The following THUMPD1 variants were observed in gnomAD, a reference collection of about 807,000 sequenced individuals.
The protein encoded by THUMPD1 is THUMP domain 1 NAT10 acetyltransferase adaptor.
Under a neutral mutation model 31.6 loss-of-function variants are expected in THUMPD1, and 31 were observed. The observed-to-expected ratio is 0.98, with a 90% CI of 0.74 to 1.32. The LOEUF (loss-of-function observed/expected upper bound fraction) is 1.32, where lower values mean the gene tolerates loss of function less well. Ranked by LOEUF, THUMPD1 falls within the 40% of genes most tolerant of loss-of-function variation. The pLI is 0.00. For synonymous variants in THUMPD1, 166 were observed against 158.2 expected, an observed-to-expected ratio of 1.05 and a Z score of -0.37; for missense variants, 446 against 427.8, an observed-to-expected ratio of 1.04 and a Z score of -0.38.
chr16:20,741,481 G>GGGGGGGGGGCCCCCCCCCCCCCCCCCCC, intron 1 of THUMPD1, 28 bp downstream of exon 1: 2 of 1,308,410 alleles, frequency 1.5e-6, no homozygotes, highest in Non-Finnish European at 9.9e-7. Context: ...CTGGCAGCCG[G>GGGGGGGGGGCCCCCCCCCCCCCCCCCCC]CCCGCCCGCC....
At chr16:20,739,878 G>C (rs1468641248) in intron 1 of THUMPD1, among the ~76,000 whole-genome samples, 1 of 150,938 alleles carries the variant, frequency 6.6e-6, no homozygotes, top group Non-Finnish European at 1.5e-5. Context: ...GCAGACTATA[G>C]AATGTAAAAT....
chr16:20,740,065 G>A (rs2079903881), intron 1 of THUMPD1, among the ~76,000 whole-genome samples: 1 of 152,058 alleles, frequency 6.6e-6, no homozygotes. Context: ...CCTTACTCTT[G>A]TTCTATTAAG....
Position 20,737,197 on chromosome 16 carries a change from AACAG to A in THUMPD1, c.741_744del (p.Cys248AlafsTer2), listed in dbSNP as rs1445881577. 11 of 1,614,214 alleles carry A rather than the reference AACAG, an allele frequency of 6.8e-6. No individual in the cohort carries two copies. Among genetic ancestry groups the A allele is most frequent in the Non-Finnish European group, 8.5e-6 (10 of 1,180,038 alleles). On this transcript the variant is annotated frameshift_variant, in exon 4 of 4. Coordinates refer to ENST00000396083, the MANE Select transcript of THUMPD1 (RefSeq NM_017736.5). LOFTEE classifies it high-confidence loss of function. Reference sequence around the variant, plus strand: ...ATGTAATCTTTCACAACACTCAGGCAACAGACAGCTTTGATGATTTCTACTACCA... The same window carrying A: ...ATGTAATCTTTCACAACACTCAGGCAACAGCTTTGATGATTTCTACTACCA...
At chr16:20,740,826 A>G (rs1233200918) in intron 1 of THUMPD1, among the ~76,000 whole-genome samples, 2 of 152,242 alleles carry the variant, frequency 1.3e-5, no homozygotes, top group Non-Finnish European at 2.9e-5. Context: ...AAGTGCAGTA[A>G]CTAGCATTAG....
At chr16:20,738,192 A>T (rs1267505667) in intron 2 of THUMPD1, 2 of 555,770 alleles carry the variant, frequency 3.6e-6, no homozygotes, top group African/African-American at 3.8e-5. Context: ...ACTAGAAATG[A>T]CTGTTTAGGT....
Position 20,736,014 on chromosome 16 carries a change from T to C in THUMPD1, c.*866A>G, listed in dbSNP as rs565651403. The C allele has an allele frequency of 6.6e-6, 1 of 152,194 alleles. No individual in the cohort carries two copies. Among genetic ancestry groups the C allele is most frequent in the Non-Finnish European group, 1.5e-5 (1 of 68,042 alleles). The allele number at this position is 152,194 out of a possible 1,614,324, so 9.4% of individuals were successfully genotyped here. A position where few individuals can be genotyped will look rare whatever the true frequency, so the allele number is the denominator to read the frequency against. On this transcript the variant is annotated 3_prime_UTR_variant, in exon 4 of 4. Coordinates refer to ENST00000396083, the MANE Select transcript of THUMPD1 (RefSeq NM_017736.5). ...GGTGATTTCTGAACAAAAGCCTTAC[T>C]GTTTTTGATAGTCCAAAAGCCATTT...
intron 3 of THUMPD1, 135 bp downstream of exon 3, chr16:20,737,573 A>G: frequency 1.1e-6 from 1 of 915,150 alleles, no homozygotes; most frequent in Non-Finnish European, 1.6e-6. Context: ...TTGATTTAAT[A>G]CTATTTTAAG....
Position 20,737,803 on chromosome 16 carries a change from C to T in THUMPD1, c.560G>A (p.Trp187Ter), listed in dbSNP as rs1441145463. 1 of 1,613,636 alleles carries T rather than the reference C, an allele frequency of 6.2e-7. No individual in the cohort carries two copies. The highest frequency in any genetic ancestry group is 8.5e-7 in the Non-Finnish European group (1 of 1,179,908). Reference protein sequence around the residue: ...KKYAETFLEPWFKAPNKGTFQ... With the variant: ...KKYAETFLEP ...TGTCCCTTTGTTTGGAGCTTTAAAC[C>T]AGGGTTCCAAAAATGTTTCTGCATA... The change falls in exon 3 of 4, where the codon TGG (tryptophan) becomes TAG (stop). Residue 187 changes from tryptophan to a stop codon, truncating the protein, a stop_gained. Transcript: ENST00000396083. LOFTEE classifies it high-confidence loss of function.
chr16:20,738,063 C>CATA, intron 2 of THUMPD1, 107 bp from the exon 3 acceptor site: 1 of 1,088,360 alleles, frequency 9.2e-7, no homozygotes. Context: ...AAGAAATTCT[C>CATA]ATAATGAATT....
At chr16:20,741,112 C>T (rs2079915422) in intron 1 of THUMPD1, among the ~76,000 whole-genome samples, 1 of 152,106 alleles carries the variant, frequency 6.6e-6, no homozygotes, top group South Asian at 2.1e-4. Context: ...ATTTACAAAA[C>T]TTAGCCGAGA....
At chr16:20,741,377 GA>G in intron 1 of THUMPD1, 131 bp downstream of exon 1, 1 of 1,166,520 alleles carries the variant, frequency 8.6e-7, no homozygotes, top group Non-Finnish European at 1.2e-6. Flanking sequence ...AAACGCCGGC[GA>G]GGCCACGCCC....
chr16:20,740,664 T>G (rs1486610351), intron 1 of THUMPD1, among the ~76,000 whole-genome samples: 1 of 152,202 alleles, frequency 6.6e-6, no homozygotes, highest in Non-Finnish European at 1.5e-5. Context: ...GGATGAGCCG[T>G]GAATTTAAAT....
chr16:20,739,418 G>A (rs1022796792), intron 1 of THUMPD1, among the ~76,000 whole-genome samples: 221 of 152,028 alleles, frequency 1.5e-3, no homozygotes, highest in African/African-American at 5.2e-3. Context: ...TGATCCACTC[G>A]CCTCAGCCTC....
intron 2 of THUMPD1, 42 bp downstream of exon 2, chr16:20,738,855 A>G (rs2079892921): frequency 6.2e-7 from 1 of 1,601,442 alleles, no homozygotes; most frequent in Non-Finnish European, 8.5e-7. Flanking sequence ...GAAGATACCC[A>G]GATGTTATGA....
In THUMPD1 at chr16:20,737,263, C is replaced by T. The variant is rs1325875956; in HGVS notation, c.679G>A (p.Glu227Lys). The change falls in exon 4 of 4, where the codon GAA becomes AAA. Residue 227 changes from glutamate to lysine, a missense_variant. By Grantham distance (56) the Glu-to-Lys change is moderately conservative. Coordinates refer to ENST00000396083, the MANE Select transcript of THUMPD1 (RefSeq NM_017736.5). ...LAGIVCTLNS[E>K]NKVDLTNPQY... ...GGATTGGTGAGATCCACTTTATTTT[C>T]TGAATTGAGGGTGCACACTATTCCT... 6 of 1,613,198 alleles carry T rather than the reference C, an allele frequency of 3.7e-6. No homozygotes were observed. The highest frequency in any genetic ancestry group is 5.1e-6 in the Non-Finnish European group (6 of 1,179,466).
At chr16:20,737,322 G>A (rs761509153) in intron 3 of THUMPD1, 36 bp from the exon 4 acceptor site, 4 of 1,565,352 alleles carry the variant, frequency 2.6e-6, no homozygotes, top group East Asian at 2.2e-5. Context: ...AGCTGAGGAG[G>A]ATACCATTAC....
At position 20,737,883 on chromosome 16, in the gene THUMPD1, C is replaced by T. The variant is rs907038930; in HGVS notation, c.480G>A (p.Leu160=). Residue 160 remains leucine (L), a synonymous_variant, in exon 3 of 4, where the codon TTG becomes TTA. Coordinates refer to ENST00000396083, the MANE Select transcript of THUMPD1 (RefSeq NM_017736.5). Reference sequence around the variant, plus strand: ...ATGTGCCTGAGATGGGTAACATTCGCAAAATAACTCGAGTCTTCTTTTTCT... The same window carrying T: ...ATGTGCCTGAGATGGGTAACATTCGTAAAATAACTCGAGTCTTCTTTTTCT... The part of the protein sequence containing the change: ...KTKKKKTRVI[L]RMLPISGTCK... 5 of 1,613,428 alleles carry T rather than the reference C, an allele frequency of 3.1e-6. No homozygotes were observed. The highest frequency in any genetic ancestry group is 4.2e-6 in the Non-Finnish European group (5 of 1,179,868).
chr16:20,741,757 A>G lies in THUMPD1; in HGVS notation c.-18T>C. The G allele has an allele frequency of 6.4e-7, 1 of 1,557,628 alleles. No homozygotes were observed. The highest frequency in any genetic ancestry group is 1.2e-5 in the South Asian group (1 of 84,624). On this transcript the variant is annotated 5_prime_UTR_variant, in exon 1 of 4. Coordinates refer to ENST00000396083, the MANE Select transcript of THUMPD1 (RefSeq NM_017736.5). ...GCCGCCATGGTGTGCGCAAACTGAG[A>G]GGAAAGAGAAACGTTTCTCCGCTGC... is the stretch of plus-strand genomic sequence containing the variant.
chr16:20,739,978 T>C (rs569271264), intron 1 of THUMPD1, among the ~76,000 whole-genome samples: 1 of 152,324 alleles, frequency 6.6e-6, no homozygotes, highest in East Asian at 1.9e-4. Context: ...CCTTAACACG[T>C]TGACCAGGTA....
Sources: gnomAD v4.1 joint callset for allele counts (sites outside exome capture counted in the v4.1 genomes callset) on GRCh38, gnomAD v4.1.1 for gene constraint, MANE v1.5 for transcripts, NCBI Gene and HGNC (gene_info 2026-07-23, HGNC 2026-07-21) for gene names.